EML6: variants seen among roughly 807,000 people sequenced by gnomAD.
EML6 encodes the protein echinoderm microtubule-associated protein-like 6.
A neutral mutation model predicts 240.1 loss-of-function variants in EML6; 154 were observed. The observed-to-expected ratio is 0.64, with a 90% CI of 0.56 to 0.73. EML6 has a LOEUF of 0.73. EML6 is among the 30% of genes least tolerant of loss of function. The pLI is 0.00. For missense variants in EML6, 2,964 were observed against 2,474.6 expected, an observed-to-expected ratio of 1.20 and a Z score of -4.20; for synonymous variants, 1,148 against 899.0, an observed-to-expected ratio of 1.28 and a Z score of -4.95.
intron 36 of EML6, among the ~76,000 whole-genome samples, chr2:54,963,610 C>G (rs985517086): frequency 1.3e-5 from 2 of 152,194 alleles, no homozygotes; most frequent in Non-Finnish European, 2.9e-5. Context: ...AAGGCCAGAT[C>G]GGGCCTGTGG....
intron 28 of EML6, among the ~76,000 whole-genome samples, chr2:54,933,296 C>G (rs1277265323): frequency 6.6e-6 from 1 of 152,136 alleles, no homozygotes; most frequent in Non-Finnish European, 1.5e-5. Flanking sequence ...TCACCTGCCA[C>G]CATAGACTAG....
intron 26 of EML6, among the ~76,000 whole-genome samples, chr2:54,925,307 A>G (rs1674483733): frequency 1.3e-5 from 2 of 152,180 alleles, no homozygotes; most frequent in Admixed American, 1.3e-4. Context: ...CCCAGCCTCT[A>G]AAACTGTGAG....
intron 26 of EML6, among the ~76,000 whole-genome samples, chr2:54,922,935 T>C (rs1168370515): frequency 4.7e-5 from 2 of 42,454 alleles, no homozygotes; most frequent in Non-Finnish European, 9.6e-5. Context: ...GGTATAAACT[T>C]TTTTTTTTTT....
chr2:54,777,351 G>A (rs923881646), intron 2 of EML6, among the ~76,000 whole-genome samples: 48 of 152,136 alleles, frequency 3.2e-4, no homozygotes, highest in Admixed American at 1.8e-3. Flanking sequence ...TTAGTTGAGC[G>A]TCCTGATGGC....
At chr2:54,950,518 A>G in intron 29 of EML6, 132 bp from the exon 30 acceptor site, 1 of 957,540 alleles carries the variant, frequency 1.0e-6, no homozygotes, top group Non-Finnish European at 1.5e-6. Context: ...AAATGTTTTC[A>G]GTGAGTGTGT....
intron 2 of EML6, among the ~76,000 whole-genome samples, chr2:54,742,506 A>G (rs1212426863): frequency 6.6e-6 from 1 of 152,182 alleles, no homozygotes; most frequent in East Asian, 1.9e-4. Context: ...TTGCCACTGT[A>G]GCATTTTCTC....
chr2:54,883,392 A>G (rs1157985087), intron 17 of EML6, among the ~76,000 whole-genome samples: 2 of 152,148 alleles, frequency 1.3e-5, no homozygotes, highest in African/African-American at 4.8e-5. Context: ...TAGTATATGT[A>G]TCAAACATTC....
intron 16 of EML6, among the ~76,000 whole-genome samples, chr2:54,872,940 T>C (rs926647211): frequency 6.6e-6 from 1 of 152,226 alleles, no homozygotes; most frequent in Non-Finnish European, 1.5e-5. Context: ...ACACAGTTAC[T>C]TGTGTCAGCG....
chr2:54,851,804 C>T (rs1388913533), intron 10 of EML6, among the ~76,000 whole-genome samples: 3 of 152,104 alleles, frequency 2.0e-5, no homozygotes, highest in Admixed American at 6.5e-5. Flanking sequence ...TCTGTCAGTG[C>T]CTTGCACACA....
At chr2:54,801,435 A>G (rs140828005) in intron 2 of EML6, among the ~76,000 whole-genome samples, 70 of 152,330 alleles carry the variant, frequency 4.6e-4, no homozygotes, top group African/African-American at 1.6e-3. Flanking sequence ...TGATGCTTAC[A>G]TGAATTAACC....
intron 5 of EML6, among the ~76,000 whole-genome samples, chr2:54,825,609 C>T (rs893724416): frequency 2.6e-5 from 4 of 151,738 alleles, no homozygotes; most frequent in Non-Finnish European, 4.4e-5. Context: ...ATTAATAATA[C>T]CCAAAGAAAT....
intron 3 of EML6, among the ~76,000 whole-genome samples, chr2:54,815,251 G>A (rs1432078557): frequency 6.6e-6 from 1 of 152,148 alleles, no homozygotes; most frequent in Non-Finnish European, 1.5e-5. Context: ...TGGATTGCAT[G>A]GTACTTAACT....
chr2:54,849,890 C>A, intron 9 of EML6, 72 bp from the exon 10 acceptor site: 1 of 1,248,292 alleles, frequency 8.0e-7, no homozygotes, highest in Non-Finnish European at 1.1e-6. Context: ...CTTTTTCTGA[C>A]ACATATATTT....
chr2:54,964,212 C>A, intron 37 of EML6, 54 bp downstream of exon 37: 1 of 1,508,016 alleles, frequency 6.6e-7, no homozygotes. Context: ...TTCTGCTTAC[C>A]AGTGGTTCCC....
chr2:54,728,742 C>G (rs975878470), intron 2 of EML6, among the ~76,000 whole-genome samples: 1 of 152,200 alleles, frequency 6.6e-6, no homozygotes, highest in Admixed American at 6.5e-5. Context: ...TCACTAAACA[C>G]ACACACACCC....
chr2:54,961,203 T>TTTTTTTTTTTTTTGTTTTTTTTTTTG (rs1558729687), intron 35 of EML6, among the ~76,000 whole-genome samples: 1 of 141,264 alleles, frequency 7.1e-6, no homozygotes, highest in African/African-American at 2.7e-5. Flanking sequence ...TTTTTTTTTT[T>TTTTTTTTTTTTTTGTTTTTTTTTTTG]GAGACGGAGT....
At chr2:54,810,329 G>T (rs1667771808) in intron 2 of EML6, among the ~76,000 whole-genome samples, 1 of 152,154 alleles carries the variant, frequency 6.6e-6, no homozygotes, top group East Asian at 1.9e-4. Context: ...AGGTGTTTTG[G>T]GGTAGCACTG....
intron 2 of EML6, among the ~76,000 whole-genome samples, chr2:54,800,218 C>T (rs770704985): frequency 5.9e-5 from 9 of 152,070 alleles, no homozygotes; most frequent in Non-Finnish European, 1.3e-4. Flanking sequence ...GCACTCCAGC[C>T]TGACATGCCA....
chr2:54,957,882 G>T lies in EML6; in HGVS notation c.4579G>T (p.Val1527Phe). Residue 1527 changes from valine to phenylalanine, a missense_variant, in exon 33 of 42, where the codon GTC (valine) becomes TTC (phenylalanine). By Grantham distance (50) the Val-to-Phe change is conservative. Transcript: ENST00000356458. ...DSDTQFVSVG[V>F]KHMKFWTLAG... ...AGACACGCAGTTTGTATCTGTCGGG[G>T]TCAAACATATGAAGTTCTGGACCCT... is the stretch of plus-strand genomic sequence containing the variant. 2 of 1,551,494 alleles carry T rather than the reference G, an allele frequency of 1.3e-6. No individual in the cohort carries two copies. Among genetic ancestry groups the T allele is most frequent in the Non-Finnish European group, 1.7e-6 (2 of 1,147,004 alleles).
Sources: gnomAD v4.1 joint callset for allele counts (sites outside exome capture counted in the v4.1 genomes callset) on GRCh38, gnomAD v4.1.1 for gene constraint, MANE v1.5 for transcripts, NCBI Gene and HGNC (gene_info 2026-07-23, HGNC 2026-07-21) for gene names.